The following MGST1 variants were observed in gnomAD, a reference collection of about 807,000 sequenced individuals.
The protein encoded by MGST1 is glutathione S-transferase 12.
Under a neutral mutation model 8.9 loss-of-function variants are expected in MGST1, and 5 were observed. The ratio of observed to expected loss-of-function variants is 0.56; its 90% confidence interval spans 0.29 to 1.19. MGST1 has a LOEUF of 1.19. MGST1 is among the 50% of genes most tolerant of loss of function. MGST1 has a pLI of 0.08. For synonymous variants in MGST1, 54 were observed against 67.8 expected (o/e 0.80, Z 1.00); for missense variants, 182 against 187.4 (o/e 0.97, Z 0.17).
chr12:16,383,440 TTTTC>T (rs1249711468), exon 1 of MGST1: 2 of 152,114 alleles, frequency 1.3e-5, no homozygotes, highest in Non-Finnish European at 1.5e-5. Flanking sequence ...TTCCAAGTCT[TTTTC>T]TTTTTCTTTT....
At chr12:16,553,079 A>C (rs1942051130) in intron 4 of MGST1, among the ~76,000 whole-genome samples, 1 of 152,136 alleles carries the variant, frequency 6.6e-6, no homozygotes, top group Admixed American at 6.5e-5. Flanking sequence ...CATAGGTAAA[A>C]TAGCCACCTT....
Position 16,426,614 on chromosome 12 carries a change from AT to A in MGST1, n.779-10773del, listed in dbSNP as rs1940891311. Reference sequence around the variant, plus strand: ...CCATTTCACTACATGCATTTGTAGAATGCTATACCTATCAAATGTATTAGGC... The same window carrying A: ...CCATTTCACTACATGCATTTGTAGAAGCTATACCTATCAAATGTATTAGGC... On this transcript the variant is annotated intron_variant and non_coding_transcript_variant, in intron 1 of 1. Coordinates refer to the MGST1 transcript ENST00000359720. Among the ~76,000 whole-genome samples the A allele has an allele frequency of 2.0e-5, 3 of 152,278 alleles. No homozygotes were observed. In the South Asian group the frequency reaches 6.2e-4, roughly 32 times the overall value.
intron 4 of MGST1, among the ~76,000 whole-genome samples, chr12:16,531,611 C>T (rs139100780): frequency 1.8e-4 from 28 of 152,180 alleles, no homozygotes; most frequent in African/African-American, 6.5e-4. Context: ...GAGTGAGACC[C>T]ATCTCTGAAA....
chr12:16,508,515 A>T (rs927713976), intron 4 of MGST1, among the ~76,000 whole-genome samples: 2 of 152,206 alleles, frequency 1.3e-5, no homozygotes, highest in East Asian at 3.8e-4. Flanking sequence ...TGCCTAATAA[A>T]TGTTAGTAAG....
chr12:16,580,246 G>A (rs1245459495), intron 4 of MGST1, among the ~76,000 whole-genome samples: 1 of 152,144 alleles, frequency 6.6e-6, no homozygotes, highest in Admixed American at 6.5e-5. Context: ...GACTACAGGT[G>A]CATGCCACTG....
intron 4 of MGST1, among the ~76,000 whole-genome samples, chr12:16,494,600 C>A (rs541907141): frequency 1.3e-5 from 2 of 152,012 alleles, no homozygotes. Flanking sequence ...TTGCCTTTTG[C>A]AAGCTATGAT....
rs772986612 is a variant in MGST1, at chr12:16,584,540, A to T, written n.483-4988A>T. ...AAATATACAGAGAATGAGGAAAGGA[A>T]TGGAAACAAGAGACGTTTTAGATTA... On this transcript the variant is annotated intron_variant and non_coding_transcript_variant, in intron 4 of 4. Transcript: ENST00000538857. This position sits in a 1 kb window ranked among gnomAD's most constrained non-coding sequence, Gnocchi z 5.2. 1.2e-4 allele frequency among the ~76,000 whole-genome samples: 19 copies of T among 152,040 alleles called. No individual in the cohort carries two copies. Among genetic ancestry groups the T allele is most frequent in the Non-Finnish European group, 2.6e-4 (18 of 67,988 alleles).
intron 4 of MGST1, among the ~76,000 whole-genome samples, chr12:16,480,212 G>A (rs914860493): frequency 6.9e-6 from 1 of 145,594 alleles, no homozygotes; most frequent in East Asian, 2.0e-4. Context: ...GCATGATCTC[G>A]GCTCACTGGA....
chr12:16,446,886 C>T (rs1941084997), intron 4 of MGST1, among the ~76,000 whole-genome samples: 2 of 151,916 alleles, frequency 1.3e-5, no homozygotes, highest in African/African-American at 4.8e-5. Flanking sequence ...GTGTCCCTCT[C>T]CCTTGTACAC....
At chr12:16,367,126 C>G (rs1281285403), downstream of MGST1, among the ~76,000 whole-genome samples, 1 of 152,120 alleles carries the variant, frequency 6.6e-6, no homozygotes, top group Non-Finnish European at 1.5e-5. Flanking sequence ...TTCTGTGACT[C>G]TAAAAATTCT....
intron 4 of MGST1, among the ~76,000 whole-genome samples, chr12:16,545,684 C>T (rs1415803227): frequency 1.3e-5 from 2 of 151,994 alleles, no homozygotes; most frequent in Non-Finnish European, 2.9e-5. Flanking sequence ...ATGAAGAATC[C>T]TCTATTCTTG....
chr12:16,420,717 C>T (rs748883313), intron 1 of MGST1, among the ~76,000 whole-genome samples: 3 of 152,046 alleles, frequency 2.0e-5, no homozygotes, highest in Admixed American at 6.6e-5. Flanking sequence ...CTATAGGAAG[C>T]GGGGGTGATC....
chr12:16,566,797 A>T (rs1565489015), intron 4 of MGST1, among the ~76,000 whole-genome samples: 2 of 152,204 alleles, frequency 1.3e-5, no homozygotes. Flanking sequence ...ACATATATTC[A>T]TTCTCTCTCC....
At chr12:16,428,896 C>T (rs1002977810) in intron 1 of MGST1, among the ~76,000 whole-genome samples, 1 of 152,038 alleles carries the variant, frequency 6.6e-6, no homozygotes, top group East Asian at 1.9e-4. Context: ...AATTTCTATA[C>T]CATCATTTAA....
intron 4 of MGST1, among the ~76,000 whole-genome samples, chr12:16,445,529 G>A (rs562834226): frequency 2.6e-5 from 4 of 151,962 alleles, no homozygotes. Flanking sequence ...ATGAGAAAAA[G>A]TAGGAGAGTT....
downstream of MGST1, among the ~76,000 whole-genome samples, chr12:16,592,261 A>G (rs1943518145): frequency 6.6e-6 from 1 of 152,026 alleles, no homozygotes; most frequent in Admixed American, 6.6e-5. Context: ...CATAAACACA[A>G]ACCCCAATCC....
At chr12:16,491,561 A>T (rs1379121831) in intron 4 of MGST1, among the ~76,000 whole-genome samples, 1 of 152,124 alleles carries the variant, frequency 6.6e-6, no homozygotes, top group African/African-American at 2.4e-5. Context: ...ATGAGAGGAT[A>T]GGAGAATATG....
intron 3 of MGST1, among the ~76,000 whole-genome samples, chr12:16,370,988 A>G (rs12313805): frequency 0.1 from 15,832 of 152,206 alleles, 1,012 homozygotes; most frequent in Non-Finnish European, 0.15. Context: ...TCTCTGAATC[A>G]CCAATGTGAT....
chr12:16,456,408 C>G (rs987578510), intron 4 of MGST1, among the ~76,000 whole-genome samples: 5 of 151,846 alleles, frequency 3.3e-5, no homozygotes, highest in Admixed American at 2.6e-4. Context: ...TTTGAAAAAA[C>G]GTTTTAAATC....
Sources: gnomAD v4.1 joint callset for allele counts (sites outside exome capture counted in the v4.1 genomes callset) on GRCh38, gnomAD v4.1.1 for gene constraint, Gnocchi (gnomAD v3.1) non-coding constraint, MANE v1.5 for transcripts, NCBI Gene and HGNC (gene_info 2026-07-23, HGNC 2026-07-21) for gene names.